Variants in SMIM35 observed in about 807,000 individuals in gnomAD.
SMIM35 encodes small integral membrane protein 35.
intron 1 of SMIM35, among the ~76,000 whole-genome samples, chr11:118,032,326 T>C (rs2135059270): frequency 6.6e-6 from 1 of 152,316 alleles, no homozygotes; most frequent in South Asian, 2.1e-4. Context: ...CATGGTTATG[T>C]AGGGAAATGT....
chr11:118,025,736 A>G (rs781526405), intron 1 of SMIM35: 24 of 454,486 alleles, frequency 5.3e-5, no homozygotes, highest in Non-Finnish European at 7.9e-5. Context: ...CTCCCATTCT[A>G]TAGGTTGTCT....
At chr11:118,083,463 G>T (rs1279229261) in intron 1 of SMIM35, among the ~76,000 whole-genome samples, 2 of 152,088 alleles carry the variant, frequency 1.3e-5, no homozygotes, top group Non-Finnish European at 2.9e-5. Context: ...AAGCCCCGGG[G>T]CCCATGAAAT....
At chr11:118,050,359 C>A in intron 1 of SMIM35, among the ~76,000 whole-genome samples, 1 of 152,216 alleles carries the variant, frequency 6.6e-6, no homozygotes, top group East Asian at 1.9e-4. Context: ...GCTGGGGGAA[C>A]CTAGGCCAAG....
At chr11:118,036,349 C>A (rs533501879) in intron 1 of SMIM35, among the ~76,000 whole-genome samples, 68 of 152,278 alleles carry the variant, frequency 4.5e-4, no homozygotes, top group African/African-American at 1.6e-3. Context: ...AGTTTTCAGC[C>A]AGTTTGTTAA....
intron 3 of SMIM35, among the ~76,000 whole-genome samples, chr11:118,014,203 C>T (rs916832527): frequency 3.9e-5 from 6 of 152,124 alleles, no homozygotes; most frequent in African/African-American, 1.2e-4. Context: ...ACATGAAATG[C>T]TTGAAGACAG....
chr11:118,013,583 G>A (rs1426578084), intron 4 of SMIM35, 165 bp downstream of exon 4: 1 of 381,066 alleles, frequency 2.6e-6, no homozygotes, highest in Non-Finnish European at 4.6e-6. Context: ...GCGGGTGGGG[G>A]AAAACATGAC....
At chr11:118,055,355 C>A (rs1177567122) in intron 1 of SMIM35, among the ~76,000 whole-genome samples, 4 of 152,100 alleles carry the variant, frequency 2.6e-5, no homozygotes, top group African/African-American at 7.2e-5. Flanking sequence ...GGAAGTCATG[C>A]GCTATTCCTG....
chr11:118,047,447 G>A (rs1051210921), intron 1 of SMIM35, among the ~76,000 whole-genome samples: 1 of 152,196 alleles, frequency 6.6e-6, no homozygotes, highest in African/African-American at 2.4e-5. Flanking sequence ...ATTCTTGACA[G>A]ATGACACCCT....
chr11:118,064,240 G>T (rs1944434009), intron 1 of SMIM35, among the ~76,000 whole-genome samples: 1 of 152,190 alleles, frequency 6.6e-6, no homozygotes, highest in Admixed American at 6.5e-5. Context: ...GGAAAATTGA[G>T]TTTGAGTTTT....
intron 4 of SMIM35, among the ~76,000 whole-genome samples, chr11:118,010,787 C>T (rs1032898753): frequency 6.6e-6 from 1 of 152,182 alleles, no homozygotes; most frequent in Non-Finnish European, 1.5e-5. Flanking sequence ...CCCGGACCAG[C>T]CAGCCCTTGG....
chr11:118,028,821 A>G (rs2058294547), intron 1 of SMIM35: 1 of 452,688 alleles, frequency 2.2e-6, no homozygotes, highest in Admixed American at 2.4e-5. Context: ...ACAAGAGGAG[A>G]AGTAGAAGGG....
At position 118,054,271 on chromosome 11, in the gene SMIM35, G is replaced by A. The variant is rs4938471; in HGVS notation, c.7+32480C>T. On this transcript the variant is annotated intron_variant, in intron 1 of 4. Coordinates refer to ENST00000689828, the MANE Select transcript of SMIM35 (RefSeq NM_001394165.1). The stretch of plus-strand genomic sequence containing the variant: ...ATCACCATGTCAACTTTGTGTGGAC[G>A]CATTGTGCATGTACAGAAAAACATT... 4.2e-3 allele frequency among the ~76,000 whole-genome samples: 636 copies of A among 151,812 alleles called. 4 individuals are homozygous for A. Among genetic ancestry groups the A allele is most frequent in the African/African-American group, 0.015 (610 of 41,366 alleles).
chr11:118,082,164 A>G (rs1034261413), intron 1 of SMIM35, among the ~76,000 whole-genome samples: 3 of 152,164 alleles, frequency 2.0e-5, no homozygotes, highest in Admixed American at 6.5e-5. Context: ...CAAATGCAAC[A>G]AGGGCCCCAT....
At chr11:118,071,277 C>G (rs991623107) in intron 1 of SMIM35, among the ~76,000 whole-genome samples, 2 of 152,182 alleles carry the variant, frequency 1.3e-5, no homozygotes, top group African/African-American at 2.4e-5. Flanking sequence ...GACTAGGGCT[C>G]AGGGTTGGGA....
rs147344612 is a variant in SMIM35, at chr11:118,086,816, C to G, written c.-59G>C. On this transcript the variant is annotated 5_prime_UTR_variant, in exon 1 of 5. Coordinates refer to ENST00000689828, the MANE Select transcript of SMIM35 (RefSeq NM_001394165.1). ...CAGCGCAGCAAAGGCATCAAACTGC[C>G]TATTCCAGCTGCAAGTGGAGAGGAC... 6.5e-6 allele frequency: 1 copy of G among 152,922 alleles called. No homozygotes were observed. Among genetic ancestry groups the G allele is most frequent in the African/African-American group, 2.4e-5 (1 of 41,578 alleles). The allele number at this position is 152,922 out of a possible 1,614,324, so 9.5% of individuals were successfully genotyped here.
intron 1 of SMIM35, among the ~76,000 whole-genome samples, chr11:118,030,985 G>A (rs922172770): frequency 6.6e-6 from 1 of 152,038 alleles, no homozygotes; most frequent in Non-Finnish European, 1.5e-5. Flanking sequence ...TGGCAGCAGA[G>A]ATTGGATATT....
chr11:118,058,340 CCA>C (rs1220990965), intron 1 of SMIM35, among the ~76,000 whole-genome samples: 9 of 152,118 alleles, frequency 5.9e-5, no homozygotes, highest in Non-Finnish European at 8.8e-5. Flanking sequence ...TCCTCCTATC[CCA>C]GTCTCAGGTT....
intron 1 of SMIM35, among the ~76,000 whole-genome samples, chr11:118,074,818 C>G (rs975194569): frequency 2.6e-5 from 4 of 152,000 alleles, no homozygotes; most frequent in African/African-American, 9.7e-5. Flanking sequence ...AGAGGTGGGC[C>G]TCTGTTGTCT....
chr11:118,077,093 A>G, intron 1 of SMIM35: 1 of 550,214 alleles, frequency 1.8e-6, no homozygotes, highest in Non-Finnish European at 3.2e-6. Flanking sequence ...TGGAATACAC[A>G]GAGAGAGGCA....
Sources: allele counts gnomAD v4.1 joint callset (sites outside exome capture counted in the v4.1 genomes callset), GRCh38; gene constraint gnomAD v4.1.1; transcripts MANE v1.5; gene names NCBI Gene and HGNC (gene_info 2026-07-23, HGNC 2026-07-21).